ZNF43: variants seen among roughly 807,000 people sequenced by gnomAD.
ZNF43 encodes the protein zinc finger protein 43, also known as zinc finger protein 39-like 1 (KOX 27).
In ZNF43, 44 loss-of-function variants were observed where a neutral mutation model predicts 68.4. The ratio of observed to expected loss-of-function variants is 0.64; its 90% confidence interval spans 0.51 to 0.83. The LOEUF (loss-of-function observed/expected upper bound fraction) is 0.83. Among genes scored for constraint, ZNF43 ranks in the 40% least tolerant of loss-of-function variants. The pLI is 0.00. For synonymous variants in ZNF43, 308 were observed against 307.8 expected (o/e 1.00, Z -0.01); for missense variants, 896 against 933.2 (o/e 0.96, Z 0.52).
intron 3 of ZNF43, among the ~76,000 whole-genome samples, chr19:21,811,838 T>C (rs2037287546): frequency 6.6e-6 from 1 of 152,164 alleles, no homozygotes; most frequent in Admixed American, 6.5e-5. Flanking sequence ...TCTTGAATTA[T>C]ATATACAAAT....
At chr19:21,846,931 T>C (rs971777400) in intron 1 of ZNF43, among the ~76,000 whole-genome samples, 2 of 152,176 alleles carry the variant, frequency 1.3e-5, no homozygotes, top group Non-Finnish European at 2.9e-5. Flanking sequence ...GTGCAGGGCC[T>C]AGCAATATTT....
At chr19:21,820,584 AAAAAG>A (rs1000268029) in intron 1 of ZNF43, among the ~76,000 whole-genome samples, 6 of 151,536 alleles carry the variant, frequency 4.0e-5, no homozygotes, top group African/African-American at 1.5e-4. Flanking sequence ...TCTCAAAAAA[AAAAAG>A]AAAGAAAAAA....
chr19:21,828,860 C>T (rs528651995), intron 1 of ZNF43, among the ~76,000 whole-genome samples: 2 of 151,272 alleles, frequency 1.3e-5, no homozygotes, highest in South Asian at 2.1e-4. Context: ...GGTGAAACCC[C>T]GTCTCTACTA....
chr19:21,811,273 T>C lies in ZNF43; in HGVS notation c.230-1466A>G, dbSNP rs1265730289. On this transcript the variant is annotated intron_variant, in intron 3 of 3. Transcript: ENST00000354959. ...CAAGCCAGGCATGGTGGCTCACACT[T>C]GTAATCCTAGCACTTTGGGAGGCCA... Among the ~76,000 whole-genome samples, 6 of 152,104 alleles carry C rather than the reference T, an allele frequency of 3.9e-5. 1 individual carries two copies.
Position 21,836,011 on chromosome 19 carries a change from C to T in ZNF43, c.3+25G>A, listed in dbSNP as rs369987876. On this transcript the variant is annotated intron_variant, in intron 1 of 3. Transcript: ENST00000354959. Reference sequence around the variant, plus strand: ...TCACGCCACAGCCCCTTCCCCCTCTCGGGATGTCGGACCGGCACTCTCACC... The same window carrying T: ...TCACGCCACAGCCCCTTCCCCCTCTTGGGATGTCGGACCGGCACTCTCACC... 2.5e-6 allele frequency: 4 copies of T among 1,613,894 alleles called. No individual in the cohort carries two copies. The Admixed American group carries it at 5.0e-5, about 20-fold the overall frequency.
At chr19:21,836,011 C>A (rs369987876) in intron 1 of ZNF43, 25 bp downstream of exon 1, 5 of 1,613,776 alleles carry the variant, frequency 3.1e-6, no homozygotes, top group Non-Finnish European at 4.2e-6. Flanking sequence ...TTCCCCCTCT[C>A]GGGATGTCGG....
In ZNF43 at chr19:21,806,077, CAGA is replaced by C. The variant is rs1013835612; in HGVS notation, c.*1527_*1529del. ...ATAAAAAACTTTTGTCACTATAATG[CAGA>C]AGAATATTACTCTGAAAACCTATCT... On this transcript the variant is annotated 3_prime_UTR_variant, in exon 4 of 4. Coordinates refer to ENST00000354959, the MANE Select transcript of ZNF43 (RefSeq NM_003423.4). 24 of 151,486 alleles carry C rather than the reference CAGA, an allele frequency of 1.6e-4. No homozygotes were observed. Among genetic ancestry groups the C allele is most frequent in the Admixed American group, 8.5e-4 (13 of 15,206 alleles). 9.4% of individuals were successfully genotyped at this position (151,486 alleles called of 1,614,324 possible). A position where few individuals can be genotyped will look rare whatever the true frequency, so the allele number is the denominator to read the frequency against.
upstream of ZNF43, among the ~76,000 whole-genome samples, chr19:21,836,760 C>T (rs1483113994): frequency 6.6e-6 from 1 of 151,978 alleles, no homozygotes; most frequent in African/African-American, 2.4e-5. Flanking sequence ...AATTTGTTAT[C>T]ATATTTTTAT....
chr19:21,820,526 C>T (rs111526066), intron 1 of ZNF43, among the ~76,000 whole-genome samples: 7,425 of 149,316 alleles, frequency 0.05, 396 homozygotes, highest in African/African-American at 0.14. Context: ...TGCAGTGAGC[C>T]AAGATGGCAC....
chr19:21,825,729 T>A (rs1568368371), intron 1 of ZNF43, among the ~76,000 whole-genome samples: 1 of 152,142 alleles, frequency 6.6e-6, no homozygotes, highest in Non-Finnish European at 1.5e-5. Flanking sequence ...TGTGAATCAC[T>A]TTCAGGTCTG....
At chr19:21,836,306 G>A, upstream of ZNF43, 7 of 1,202,770 alleles carry the variant, frequency 5.8e-6, no homozygotes, top group South Asian at 4.3e-5. Context: ...AACCCTGAAT[G>A]AAAGATGTGA....
intron 1 of ZNF43, among the ~76,000 whole-genome samples, chr19:21,844,179 C>T (rs566314670): frequency 1.3e-5 from 2 of 151,914 alleles, no homozygotes; most frequent in Admixed American, 6.6e-5. Context: ...ACCAGCCTGA[C>T]CAACATGGTA....
chr19:21,824,090 G>A (rs1057090469), intron 1 of ZNF43, among the ~76,000 whole-genome samples: 1 of 152,082 alleles, frequency 6.6e-6, no homozygotes, highest in Admixed American at 6.5e-5. Flanking sequence ...TCTGGAGGCT[G>A]AGGGAGAATG....
chr19:21,819,412 G>A (rs961156223), intron 1 of ZNF43, among the ~76,000 whole-genome samples, 191 bp from the exon 2 acceptor site: 8 of 152,120 alleles, frequency 5.3e-5, no homozygotes, highest in Non-Finnish European at 1.2e-4. Context: ...CTACCCCTGA[G>A]AAAAGAAAGT....
In ZNF43 at chr19:21,809,824, T is replaced by A; in HGVS notation, c.230-17A>T. The A allele has an allele frequency of 1.3e-6, 2 of 1,501,566 alleles. No individual in the cohort carries two copies. The highest frequency in any genetic ancestry group is 1.8e-6 in the Non-Finnish European group (2 of 1,129,302). The allele number at this position is 1,501,566 out of a possible 1,614,324, so 93.0% of individuals were successfully genotyped here. A position where few individuals can be genotyped will look rare whatever the true frequency, so the allele number is the denominator to read the frequency against. The stretch of plus-strand genomic sequence containing the variant: ...AACACATAACTGAAAAAAATAAAAA[T>A]AACAAATTATTCCACTTGCTAGACT... On this transcript the variant is annotated splice_polypyrimidine_tract_variant and intron_variant, in intron 3 of 3. Transcript: ENST00000354959.
Position 21,807,636 on chromosome 19 carries a change from T to G in ZNF43, c.2401A>C (p.Thr801Pro), listed in dbSNP as rs140896880. 1.7e-5 allele frequency: 26 copies of G among 1,557,232 alleles called. No homozygotes were observed. In the East Asian group the frequency reaches 5.6e-4, roughly 34 times the overall value. ...TTTATGTTTGAAAAAGTTTGAGGTG[T>G]TGTCAAAATCACTGTCACATCTTCA... ...KPEDVTVILT[T>P]PQTFSNIK Residue 801 changes from threonine to proline, a missense_variant, in exon 4 of 4, where the codon ACA becomes CCA. Physicochemically the swap from Thr to Pro is conservative, Grantham distance 38. Coordinates refer to ENST00000354959, the MANE Select transcript of ZNF43 (RefSeq NM_003423.4).
intron 3 of ZNF43, 28 bp downstream of exon 3, chr19:21,817,860 T>C (rs1395252342): frequency 6.3e-7 from 1 of 1,595,180 alleles, no homozygotes; most frequent in Admixed American, 1.7e-5. Flanking sequence ...CATCTGTGTT[T>C]GTTGTATTCA....
intron 1 of ZNF43, among the ~76,000 whole-genome samples, chr19:21,826,271 G>A (rs911018735): frequency 1.3e-5 from 2 of 152,030 alleles, no homozygotes; most frequent in African/African-American, 2.4e-5. Flanking sequence ...CTAGATTAAA[G>A]GTTAGTTGGC....
At chr19:21,820,406 C>A (rs952956513) in intron 1 of ZNF43, among the ~76,000 whole-genome samples, 1 of 150,640 alleles carries the variant, frequency 6.6e-6, no homozygotes, top group Non-Finnish European at 1.5e-5. Flanking sequence ...GGTGAAACCC[C>A]GTCTGTACTA....
Sources: gnomAD v4.1 joint callset for allele counts (sites outside exome capture counted in the v4.1 genomes callset) on GRCh38, gnomAD v4.1.1 for gene constraint, MANE v1.5 for transcripts, NCBI Gene and HGNC (gene_info 2026-07-23, HGNC 2026-07-21) for gene names.